Variants in JADE1 observed in about 807,000 individuals in gnomAD.
The protein encoded by JADE1 is protein Jade-1.
In JADE1, 14 loss-of-function variants were observed where a neutral mutation model predicts 81.8. The ratio of observed to expected loss-of-function variants is 0.17; its 90% CI spans 0.11 to 0.27. The LOEUF (loss-of-function observed/expected upper bound fraction) is 0.27. JADE1 is among the 10% of genes least tolerant of loss of function. JADE1 has a pLI of 1.00. For synonymous variants in JADE1, 353 were observed against 391.9 expected (o/e 0.90, Z 1.17); for missense variants, 690 against 1,047.9 (o/e 0.66, Z 4.71).
At chr4:128,867,582 T>A (rs1421378529) in intron 9 of JADE1, among the ~76,000 whole-genome samples, 1 of 152,194 alleles carries the variant, frequency 6.6e-6, no homozygotes, top group Non-Finnish European at 1.5e-5. Context: ...AGGCAGGACT[T>A]TTGTAGGAGT....
rs540393167 is a variant in JADE1 at position 128,871,010 on chromosome 4, A to C, written c.1622-345A>C. On this transcript the variant is annotated intron_variant, in intron 10 of 10. Transcript: ENST00000226319. This position sits in a 1 kb window ranked among gnomAD's most constrained non-coding sequence, Gnocchi z 4.1. ...CAGGTGCTGCTCTGTAACCAGGTAG[A>C]GGGAGCAGAGGCAGCCATCAGCCAC... 2.0e-5 allele frequency among the ~76,000 whole-genome samples: 3 copies of C among 152,328 alleles called. No individual in the cohort carries two copies. The highest frequency in any genetic ancestry group is 7.2e-5 in the African/African-American group (3 of 41,572).
Position 128,846,656 on chromosome 4 carries a change from A to G in JADE1, c.296+124A>G. On this transcript the variant is annotated intron_variant, in intron 4 of 10. Transcript: ENST00000226319. This position sits in a 1 kb window ranked among gnomAD's most constrained non-coding sequence, Gnocchi z 4.0. ...GTTTCTGAGTTAGCATTAAAATATCATGAGGCCTCAAGTGGAAATAGAAAT... is the reference window on the plus strand; with the variant it reads ...GTTTCTGAGTTAGCATTAAAATATCGTGAGGCCTCAAGTGGAAATAGAAAT... The G allele has an allele frequency of 1.0e-6, 1 of 995,560 alleles. No individual in the cohort carries two copies. The highest frequency in any genetic ancestry group is 2.6e-5 in the Admixed American group (1 of 37,812). 61.7% of individuals were successfully genotyped at this position (995,560 alleles called of 1,614,324 possible).
chr4:128,842,286 T>C (rs935271312), intron 2 of JADE1, among the ~76,000 whole-genome samples: 1 of 151,764 alleles, frequency 6.6e-6, no homozygotes, highest in African/African-American at 2.4e-5. Context: ...TAAGATGTTT[T>C]TCTTTTCTTT....
chr4:128,824,442 G>A (rs1403121206), intron 1 of JADE1, among the ~76,000 whole-genome samples: 4 of 151,858 alleles, frequency 2.6e-5, no homozygotes, highest in Non-Finnish European at 5.9e-5. Flanking sequence ...AAAAGAGAAA[G>A]GAGTAGCTCA....
At chr4:128,860,553 C>G (rs1309463503) in intron 8 of JADE1, among the ~76,000 whole-genome samples, 1 of 152,148 alleles carries the variant, frequency 6.6e-6, no homozygotes, top group Non-Finnish European at 1.5e-5. Flanking sequence ...TCTGTGCAGC[C>G]CCTGGCATGC....
rs761185144 is a variant in JADE1, at chr4:128,871,898, A to G, written c.2165A>G (p.Asn722Ser). 3.2e-5 allele frequency: 51 copies of G among 1,614,012 alleles called. No individual in the cohort carries two copies. Among genetic ancestry groups the G allele is most frequent in the Admixed American group, 3.3e-5 (2 of 60,000 alleles). The change falls in exon 11 of 11, where the codon AAT (asparagine) becomes AGT (serine). Residue 722 changes from asparagine (N) to serine (S), a missense_variant. By Grantham distance (46) the Asn-to-Ser change is conservative. Transcript: ENST00000226319. This position sits in a 1 kb window ranked among gnomAD's most constrained non-coding sequence, Gnocchi z 4.1. ...GTRKEIVPKCNGSLIKVNYNQ... is the reference protein window; with the variant it reads ...GTRKEIVPKCSGSLIKVNYNQ... ...AGGAAGGAGATAGTGCCCAAGTGCA[A>G]TGGCTCCCTAATCAAAGTAAACTAT...
At chr4:128,811,634 C>A (rs1320515043) in intron 1 of JADE1, among the ~76,000 whole-genome samples, 1 of 4,608 alleles carries the variant, frequency 2.2e-4, no homozygotes, top group African/African-American at 5.3e-4. Flanking sequence ...CCGCCCGGGC[C>A]GGGGTGGGGG....
chr4:128,813,343 A>C (rs1396156836), intron 1 of JADE1, among the ~76,000 whole-genome samples: 1 of 151,584 alleles, frequency 6.6e-6, no homozygotes, highest in African/African-American at 2.4e-5. Context: ...TAGCAAGTAC[A>C]TGCAACCCAG....
chr4:128,820,965 G>T (rs1367423708), intron 1 of JADE1, among the ~76,000 whole-genome samples: 3 of 152,146 alleles, frequency 2.0e-5, no homozygotes, highest in Non-Finnish European at 4.4e-5. Context: ...CTCCACCAAG[G>T]ATGGAATAAT....
chr4:128,831,653 A>T (rs1728565929), intron 1 of JADE1, 80 bp from the exon 2 acceptor site: 2 of 1,242,180 alleles, frequency 1.6e-6, no homozygotes, highest in Non-Finnish European at 2.3e-6. Flanking sequence ...TTTGCTGTAA[A>T]TCCTGGGCTG....
At chr4:128,818,080 G>T (rs1341756681) in intron 1 of JADE1, among the ~76,000 whole-genome samples, 1 of 152,000 alleles carries the variant, frequency 6.6e-6, no homozygotes, top group Non-Finnish European at 1.5e-5. Flanking sequence ...AAGTTGCTTA[G>T]AGGTCTCCTC....
intron 6 of JADE1, among the ~76,000 whole-genome samples, chr4:128,854,690 C>A (rs2125874203): frequency 6.6e-6 from 1 of 152,296 alleles, no homozygotes; most frequent in South Asian, 2.1e-4. Flanking sequence ...TCTCGACTTC[C>A]TGACTTCCAG....
rs773021993 is a variant in JADE1 at position 128,873,766 on chromosome 4, ATC to A, written c.*1506_*1507del. 3 of 152,486 alleles carry A rather than the reference ATC, an allele frequency of 2.0e-5. No homozygotes were observed. Among genetic ancestry groups the A allele is most frequent in the Non-Finnish European group, 2.9e-5 (2 of 68,034 alleles). The allele number at this position is 152,486 out of a possible 1,614,324, so 9.4% of individuals were successfully genotyped here. A position where few individuals can be genotyped will look rare whatever the true frequency, so the allele number is the denominator to read the frequency against. ...ATTCAGATTCCTGATTCATTTATAC[ATC>A]TGTTTCCATATGGCAGGGACATTAT... On this transcript the variant is annotated 3_prime_UTR_variant, in exon 11 of 11. Coordinates refer to ENST00000226319, the MANE Select transcript of JADE1 (RefSeq NM_199320.4).
intron 6 of JADE1, among the ~76,000 whole-genome samples, chr4:128,853,097 C>G (rs1172269448): frequency 1.3e-5 from 2 of 151,996 alleles, no homozygotes; most frequent in South Asian, 2.1e-4. Flanking sequence ...AGGCTGGTCT[C>G]GAACTCCTGA....
At position 128,855,816 on chromosome 4, in the gene JADE1, T is replaced by C; in HGVS notation, c.864+19T>C. 6.4e-7 allele frequency: 1 copy of C among 1,554,860 alleles called. No individual in the cohort carries two copies. On this transcript the variant is annotated intron_variant, in intron 7 of 10. Transcript: ENST00000226319. ...CCCTGAGGTACGTGTGGTTCTTTTT[T>C]TGTTGTTTTTACTTTTTTTTAAGAC...
At chr4:128,837,467 G>C (rs773264645) in intron 2 of JADE1, among the ~76,000 whole-genome samples, 1 of 152,212 alleles carries the variant, frequency 6.6e-6, no homozygotes, top group Non-Finnish European at 1.5e-5. Flanking sequence ...TTTGGCTGTA[G>C]AGCTGGGCTA....
At position 128,871,513 on chromosome 4, in the gene JADE1, C is replaced by A. The variant is rs867315007; in HGVS notation, c.1780C>A (p.Pro594Thr). Residue 594 changes from proline to threonine, a missense_variant, in exon 11 of 11, where the codon CCC (proline) becomes ACC (threonine). By Grantham distance (38) the Pro-to-Thr change is conservative. Coordinates refer to ENST00000226319, the MANE Select transcript of JADE1 (RefSeq NM_199320.4). The surrounding 1 kb of genome is among the most constrained non-coding windows in gnomAD (Gnocchi z 4.1). ...GTSLVHSLKK[P>T]HKRDPLQNSP... is the part of the protein sequence containing the mutation. ...TTCCTTGGTTCATTCGCTGAAAAAG[C>A]CCCATAAGCGAGATCCTTTGCAGAA... 1 of 1,613,992 alleles carries A rather than the reference C, an allele frequency of 6.2e-7. No homozygotes were observed. Among genetic ancestry groups the A allele is most frequent in the Admixed American group, 1.7e-5 (1 of 59,998 alleles).
intron 3 of JADE1, among the ~76,000 whole-genome samples, chr4:128,844,696 T>C (rs557580068): frequency 6.6e-6 from 1 of 152,316 alleles, no homozygotes; most frequent in South Asian, 2.1e-4. Context: ...TCTGCGGCTC[T>C]ATGCTTGAAG....
intron 1 of JADE1, among the ~76,000 whole-genome samples, chr4:128,817,314 A>G (rs192786639): frequency 3.6e-4 from 55 of 151,910 alleles, no homozygotes; most frequent in African/African-American, 1.3e-3. Flanking sequence ...TGCGATTACA[A>G]GTGTGCACCT....
Sources: gnomAD v4.1 joint callset for allele counts (sites outside exome capture counted in the v4.1 genomes callset) on GRCh38, gnomAD v4.1.1 for gene constraint, Gnocchi (gnomAD v3.1) non-coding constraint, MANE v1.5 for transcripts, NCBI Gene and HGNC (gene_info 2026-07-23, HGNC 2026-07-21) for gene names.